BABAM1: variants seen among roughly 807,000 people sequenced by gnomAD.
BABAM1 encodes the protein BRISC and BRCA1 A complex member 1.
Under a neutral mutation model 34.4 loss-of-function variants are expected in BABAM1, and 14 were observed. The ratio of observed to expected loss-of-function variants is 0.41; its 90% CI spans 0.27 to 0.64. The LOEUF is 0.64. Among genes scored for constraint, BABAM1 ranks in the 30% least tolerant of loss-of-function variants. The pLI is 0.34. For synonymous variants in BABAM1, 169 were observed against 165.8 expected (o/e 1.02, Z -0.15); for missense variants, 393 against 434.0 (o/e 0.91, Z 0.84).
intron 5 of BABAM1, among the ~76,000 whole-genome samples, chr19:17,274,762 A>G (rs1194205327): frequency 6.6e-6 from 1 of 152,188 alleles, no homozygotes; most frequent in African/African-American, 2.4e-5. Flanking sequence ...ATTTGGACAT[A>G]AAAGGCTCAT....
intron 3 of BABAM1, among the ~76,000 whole-genome samples, chr19:17,273,568 T>G (rs1473945795): frequency 7.3e-5 from 8 of 109,684 alleles, no homozygotes; most frequent in Non-Finnish European, 1.5e-4. Context: ...TGTTTTGTTT[T>G]TTTTTTTTTT....
intron 6 of BABAM1, among the ~76,000 whole-genome samples, chr19:17,276,103 T>C (rs2073904686): frequency 6.6e-6 from 1 of 152,012 alleles, no homozygotes; most frequent in Non-Finnish European, 1.5e-5. Flanking sequence ...TCTCAGCACT[T>C]TGGGAGGCCG....
intron 3 of BABAM1, among the ~76,000 whole-genome samples, chr19:17,272,708 C>A (rs1417139714): frequency 1.3e-5 from 2 of 151,722 alleles, no homozygotes; most frequent in Non-Finnish European, 2.9e-5. Context: ...GCCCAGCCGA[C>A]CCTGTCTCTT....
At chr19:17,275,929 T>G in intron 6 of BABAM1, 104 bp downstream of exon 6, 1 of 1,303,210 alleles carries the variant, frequency 7.7e-7, no homozygotes. Context: ...CCTTAAAGCC[T>G]CCTCCCTTCC....
At chr19:17,274,861 C>G (rs2073889838) in intron 5 of BABAM1, among the ~76,000 whole-genome samples, 1 of 59,806 alleles carries the variant, frequency 1.7e-5, no homozygotes. Flanking sequence ...ACAAGACACC[C>G]CTGGCTCTTT....
chr19:17,272,356 G>A (rs2073850969), intron 3 of BABAM1, among the ~76,000 whole-genome samples: 1 of 152,046 alleles, frequency 6.6e-6, no homozygotes, highest in African/African-American at 2.4e-5. Flanking sequence ...AGTGAGCTAT[G>A]ATTTTGCCAC....
chr19:17,278,511 G>A (rs1488381962), intron 8 of BABAM1, among the ~76,000 whole-genome samples: 1 of 151,830 alleles, frequency 6.6e-6, no homozygotes, highest in Non-Finnish European at 1.5e-5. Flanking sequence ...GGGTTTCACT[G>A]TGTTAGCCAG....
intron 2 of BABAM1, among the ~76,000 whole-genome samples, chr19:17,271,232 C>T (rs1285698396): frequency 6.6e-6 from 1 of 152,052 alleles, no homozygotes; most frequent in African/African-American, 2.4e-5. Flanking sequence ...TGAAGTGATC[C>T]ACCCACCTTG....
intron 3 of BABAM1, among the ~76,000 whole-genome samples, chr19:17,272,159 T>C (rs2073848721): frequency 6.6e-6 from 1 of 152,122 alleles, no homozygotes; most frequent in African/African-American, 2.4e-5. Context: ...CAGGCTGGTC[T>C]CAAAACTCCT....
rs1057247287 is a variant in BABAM1, at chr19:17,274,032, T to C, written c.465+8T>C. The C allele has an allele frequency of 1.2e-6, 2 of 1,613,866 alleles. No homozygotes were observed. On this transcript the variant is annotated splice_region_variant and intron_variant, in intron 4 of 8. Transcript: ENST00000598188. Reference sequence around the variant, plus strand: ...AACGATGACACGGCCTGGGTGAGGCTGCGGCAGGCGCTGGGTGCCCTGGGG... The same window carrying C: ...AACGATGACACGGCCTGGGTGAGGCCGCGGCAGGCGCTGGGTGCCCTGGGG...
Position 17,279,170 on chromosome 19 carries a change from T to C in BABAM1, c.*122T>C. 1.9e-6 allele frequency: 2 copies of C among 1,037,068 alleles called. No individual in the cohort carries two copies. The highest frequency in any genetic ancestry group is 2.4e-5 in the Admixed American group (1 of 42,098). The allele number at this position is 1,037,068 out of a possible 1,614,324, so 64.2% of individuals were successfully genotyped here. On this transcript the variant is annotated 3_prime_UTR_variant, in exon 9 of 9. Coordinates refer to ENST00000598188, the MANE Select transcript of BABAM1 (RefSeq NM_014173.4). ...GGTTCCAGGAGGCACGTAGGGTACC[T>C]TGCAGGGTCCTAGGAGGGAAACCCA...
chr19:17,271,283 C>T (rs903640160), intron 2 of BABAM1, among the ~76,000 whole-genome samples: 2 of 152,130 alleles, frequency 1.3e-5, no homozygotes, highest in Non-Finnish European at 2.9e-5. Context: ...AGCCACTGTG[C>T]CAGGCCAAAT....
chr19:17,273,186 C>G (rs1192400645), intron 3 of BABAM1, among the ~76,000 whole-genome samples: 1 of 152,200 alleles, frequency 6.6e-6, no homozygotes, highest in African/African-American at 2.4e-5. Flanking sequence ...GGACCCAGGC[C>G]TGGCTGGCCC....
chr19:17,278,729 C>T (rs1164321810), intron 8 of BABAM1, 116 bp from the exon 9 acceptor site: 6 of 992,462 alleles, frequency 6.0e-6, no homozygotes, highest in Non-Finnish European at 7.4e-6. Context: ...TCCTCTTCAC[C>T]CTTTAGAACC....
At chr19:17,277,168 T>A (rs1327927170) in intron 8 of BABAM1, 1 of 403,836 alleles carries the variant, frequency 2.5e-6, no homozygotes, top group Non-Finnish European at 4.3e-6. Flanking sequence ...CGTTCCTTTC[T>A]TTCTTGCTTG....
intron 8 of BABAM1, 60 bp downstream of exon 8, chr19:17,276,969 A>G (rs980743369): frequency 6.8e-7 from 1 of 1,468,552 alleles, no homozygotes; most frequent in Middle Eastern, 2.1e-4. Context: ...CTTGGAACAC[A>G]CCTGCACTGG....
At position 17,278,670 on chromosome 19, in the gene BABAM1, A is replaced by G. The variant is rs559615183; in HGVS notation, c.787-175A>G. Among the ~76,000 whole-genome samples, 157 of 152,296 alleles carry G rather than the reference A, an allele frequency of 1.0e-3. 1 individual carries two copies. The highest frequency in any genetic ancestry group is 1.8e-3 in the Non-Finnish European group (124 of 68,028). On this transcript the variant is annotated intron_variant, in intron 8 of 8. Transcript: ENST00000598188. The stretch of plus-strand genomic sequence containing the variant: ...TCTTCAGATCCTTAACACTGGGTCC[A>G]TGGCGGGGAATGTTTGCTGAATGTG...
rs192900525 is a variant in BABAM1 at position 17,275,009 on chromosome 19, G to A, written c.545-792G>A. On this transcript the variant is annotated intron_variant, in intron 5 of 8. Transcript: ENST00000598188. ...CAACTTCCACCTCCCAGCTTCAAGC[G>A]ATTCTCCTGCCTTAGCCTCCCAAGT... Among the ~76,000 whole-genome samples, 59 of 151,996 alleles carry A rather than the reference G, an allele frequency of 3.9e-4. No homozygotes were observed. The East Asian group carries it at 5.4e-3, about 14-fold the overall frequency.
At chr19:17,278,777 G>A in intron 8 of BABAM1, 68 bp from the exon 9 acceptor site, 1 of 1,450,042 alleles carries the variant, frequency 6.9e-7, no homozygotes, top group Non-Finnish European at 9.5e-7. Context: ...GCCCTCCAGG[G>A]ATATGAAGGG....
Sources: gnomAD v4.1 joint callset for allele counts (sites outside exome capture counted in the v4.1 genomes callset) on GRCh38, gnomAD v4.1.1 for gene constraint, MANE v1.5 for transcripts, NCBI Gene and HGNC (gene_info 2026-07-23, HGNC 2026-07-21) for gene names.